The following UBE2K variants were observed in gnomAD, a reference collection of about 807,000 sequenced individuals.
UBE2K encodes ubiquitin-conjugating enzyme E2 K.
Under a neutral mutation model 30.0 loss-of-function variants are expected in UBE2K, and 6 were observed. The ratio of observed to expected loss-of-function variants is 0.20; its 90% CI spans 0.11 to 0.39. The LOEUF (loss-of-function observed/expected upper bound fraction) is 0.39. Ranked by LOEUF, UBE2K falls within the 10% of genes least tolerant of loss-of-function variation. UBE2K has a pLI of 1.00. For missense variants in UBE2K, 61 were observed against 241.6 expected (o/e 0.25, Z 4.96); for synonymous variants, 86 against 83.7 (o/e 1.03, Z -0.15).
At chr4:39,764,339 C>A (rs1249437826) in intron 4 of UBE2K, among the ~76,000 whole-genome samples, 1 of 151,986 alleles carries the variant, frequency 6.6e-6, no homozygotes, top group Non-Finnish European at 1.5e-5. Flanking sequence ...ACAACGTTTT[C>A]TCTTTGACAT....
intron 2 of UBE2K, among the ~76,000 whole-genome samples, chr4:39,741,051 T>A (rs1349109848): frequency 6.6e-6 from 1 of 151,960 alleles, no homozygotes; most frequent in Non-Finnish European, 1.5e-5. Flanking sequence ...AGCAGGTGGA[T>A]CACGAGGTCA....
chr4:39,719,507 C>G (rs1177715554), intron 1 of UBE2K, among the ~76,000 whole-genome samples: 3 of 152,140 alleles, frequency 2.0e-5, no homozygotes, highest in Non-Finnish European at 4.4e-5. Flanking sequence ...TTTTGAGGAG[C>G]TGCTGCTAAA....
rs778551574 is a variant in UBE2K, at chr4:39,781,361, ATTG to A, written c.*2931_*2933del. ...TTTTTAGAAGTAATACACATTTATGATTGTTGGCACATAAAACTATGCAAAATA... is the reference window on the plus strand; with the variant it reads ...TTTTTAGAAGTAATACACATTTATGATTGGCACATAAAACTATGCAAAATA... On this transcript the variant is annotated 3_prime_UTR_variant, in exon 7 of 7. Coordinates refer to ENST00000261427, the MANE Select transcript of UBE2K (RefSeq NM_005339.5). The A allele has an allele frequency of 1.3e-5, 2 of 152,060 alleles. No individual in the cohort carries two copies. The highest frequency in any genetic ancestry group is 2.9e-5 in the Non-Finnish European group (2 of 67,968). The allele number at this position is 152,060 out of a possible 1,614,324, so 9.4% of individuals were successfully genotyped here.
intron 1 of UBE2K, among the ~76,000 whole-genome samples, chr4:39,699,065 C>A (rs931684089): frequency 6.6e-6 from 1 of 152,078 alleles, no homozygotes; most frequent in Admixed American, 6.6e-5. Context: ...CCACTTAACC[C>A]CCAAATTCCT....
chr4:39,769,905 A>G (rs569856153), intron 4 of UBE2K, among the ~76,000 whole-genome samples: 1 of 152,230 alleles, frequency 6.6e-6, no homozygotes, highest in East Asian at 1.9e-4. Context: ...CTCAAGAGCA[A>G]CAACAGTCTT....
intron 1 of UBE2K, among the ~76,000 whole-genome samples, chr4:39,717,827 C>T (rs1162180854): frequency 3.3e-5 from 5 of 151,802 alleles, no homozygotes; most frequent in East Asian, 1.9e-4. Flanking sequence ...TTCGTGGTCT[C>T]GCTGGCTCAG....
intron 5 of UBE2K, among the ~76,000 whole-genome samples, chr4:39,777,199 C>T (rs1241507688): frequency 1.3e-5 from 2 of 152,110 alleles, no homozygotes; most frequent in Non-Finnish European, 2.9e-5. Flanking sequence ...GTGGGGTTTC[C>T]ATAAATCACT....
chr4:39,768,890 C>G (rs1000815923), intron 4 of UBE2K, among the ~76,000 whole-genome samples: 4 of 152,124 alleles, frequency 2.6e-5, no homozygotes, highest in African/African-American at 9.7e-5. Flanking sequence ...TGGAGTATCA[C>G]TCTGTCACCC....
At chr4:39,750,471 T>A (rs1721199205) in intron 3 of UBE2K, among the ~76,000 whole-genome samples, 1 of 152,220 alleles carries the variant, frequency 6.6e-6, no homozygotes, top group East Asian at 1.9e-4. Flanking sequence ...TCCGTTTTTA[T>A]TCATTGAGTG....
chr4:39,758,665 G>GA (rs913372402), intron 4 of UBE2K, among the ~76,000 whole-genome samples: 1 of 151,756 alleles, frequency 6.6e-6, no homozygotes, highest in African/African-American at 2.4e-5. Flanking sequence ...GCGACGGAGT[G>GA]AGACCCCATC....
chr4:39,764,573 C>T (rs899029453), intron 4 of UBE2K, among the ~76,000 whole-genome samples: 2 of 152,034 alleles, frequency 1.3e-5, no homozygotes, highest in Non-Finnish European at 2.9e-5. Context: ...CAGCTTATCA[C>T]AGGTGCACAC....
At chr4:39,757,251 C>G (rs1279426613) in intron 4 of UBE2K, among the ~76,000 whole-genome samples, 1 of 152,014 alleles carries the variant, frequency 6.6e-6, no homozygotes, top group Non-Finnish European at 1.5e-5. Flanking sequence ...GTCTCAAACT[C>G]CTGAGCTCAG....
intron 1 of UBE2K, among the ~76,000 whole-genome samples, chr4:39,713,125 A>G (rs1403573869): frequency 6.6e-6 from 1 of 151,840 alleles, no homozygotes; most frequent in Non-Finnish European, 1.5e-5. Flanking sequence ...CAGCTTCCCA[A>G]AGTGCTGGGA....
At chr4:39,758,852 A>C (rs1000636086) in intron 4 of UBE2K, among the ~76,000 whole-genome samples, 1 of 152,154 alleles carries the variant, frequency 6.6e-6, no homozygotes, top group Non-Finnish European at 1.5e-5. Flanking sequence ...TTATACCAAA[A>C]CATTTTCTCC....
chr4:39,742,775 A>G lies in UBE2K; in HGVS notation c.158-2977A>G, dbSNP rs1578465120. On this transcript the variant is annotated intron_variant, in intron 2 of 6. Coordinates refer to ENST00000261427, the MANE Select transcript of UBE2K (RefSeq NM_005339.5). The stretch of plus-strand genomic sequence containing the variant: ...GTAGCCAGAAGAGAGGCCAGGCGCA[A>G]TGGCTTATGCCTGTAATCCCAGCAC... Among the ~76,000 whole-genome samples the G allele has an allele frequency of 4.6e-5, 7 of 152,056 alleles. No homozygotes were observed. In the South Asian group the frequency reaches 8.3e-4, roughly 18 times the overall value.
chr4:39,773,393 G>GGGAGGT (rs561287798), intron 4 of UBE2K, among the ~76,000 whole-genome samples: 67 of 152,104 alleles, frequency 4.4e-4, no homozygotes, highest in African/African-American at 1.6e-3. Context: ...GCTTGAACCA[G>GGGAGGT]GGAGGTGGAG....
At chr4:39,739,118 C>G (rs1012003129) in intron 2 of UBE2K, among the ~76,000 whole-genome samples, 1 of 152,004 alleles carries the variant, frequency 6.6e-6, no homozygotes, top group African/African-American at 2.4e-5. Flanking sequence ...AGCTTCGCCT[C>G]CTGGATTCAC....
At chr4:39,726,562 T>C (rs1167218783) in intron 1 of UBE2K, among the ~76,000 whole-genome samples, 2 of 151,698 alleles carry the variant, frequency 1.3e-5, no homozygotes, top group Non-Finnish European at 2.9e-5. Flanking sequence ...CTAGTTTGTC[T>C]GTCAGATTCC....
chr4:39,730,241 G>A (rs532579673), intron 1 of UBE2K, among the ~76,000 whole-genome samples: 3 of 152,182 alleles, frequency 2.0e-5, no homozygotes, highest in African/African-American at 7.2e-5. Flanking sequence ...CTGGTGTGTA[G>A]TGGCACAGTC....
Sources: allele counts gnomAD v4.1 joint callset (sites outside exome capture counted in the v4.1 genomes callset), GRCh38; gene constraint gnomAD v4.1.1; transcripts MANE v1.5; gene names NCBI Gene and HGNC (gene_info 2026-07-23, HGNC 2026-07-21).